RPL15: variants seen among roughly 807,000 people sequenced by gnomAD.
RPL15 encodes the protein ribosomal protein L15.
For synonymous variants in RPL15, 97 were observed against 95.1 expected (o/e 1.02, Z -0.12); for missense variants, 161 against 271.8 (o/e 0.59, Z 2.87).
downstream of RPL15, chr3:23,923,330 C>T (rs1705148581): frequency 6.6e-6 from 1 of 151,772 alleles, no homozygotes; most frequent in Non-Finnish European, 1.5e-5. Context: ...AAGCGATTCT[C>T]CTGCCTCAGC....
chr3:23,919,877 T>A lies in RPL15; in HGVS notation c.*376T>A. 1 of 999,566 alleles carries A rather than the reference T, an allele frequency of 1.0e-6. No individual in the cohort carries two copies. 61.9% of individuals were successfully genotyped at this position (999,566 alleles called of 1,614,324 possible). On this transcript the variant is annotated 3_prime_UTR_variant, in exon 4 of 4. Transcript: ENST00000307839. ...TGATGGCAATGCTCTGCTGGTTTAT[T>A]TTCAAGTGGCTGCGTTTTTTTTAGT...
chr3:23,920,088 ATG>A lies in RPL15; in HGVS notation c.*590_*591del, dbSNP rs1704989114. ...AAACACTGGTGTGTTTTGAAGTTGAATGTGCGATAAAATTATTAGCCTTAAGA... is the reference window on the plus strand; with the variant it reads ...AAACACTGGTGTGTTTTGAAGTTGAATGCGATAAAATTATTAGCCTTAAGA... On this transcript the variant is annotated 3_prime_UTR_variant, in exon 4 of 4. Transcript: ENST00000307839. 6 of 985,892 alleles carry A rather than the reference ATG, an allele frequency of 6.1e-6. No homozygotes were observed. The highest frequency in any genetic ancestry group is 7.2e-6 in the Non-Finnish European group (6 of 829,950). The allele number at this position is 985,892 out of a possible 1,614,324, so 61.1% of individuals were successfully genotyped here. A position where few individuals can be genotyped will look rare whatever the true frequency, so the allele number is the denominator to read the frequency against.
chr3:23,918,163 C>G (rs1472404569), intron 2 of RPL15, 132 bp downstream of exon 2: 27 of 1,172,864 alleles, frequency 2.3e-5, no homozygotes, highest in African/African-American at 3.1e-5. Context: ...GCTAGCAACA[C>G]TGGTCAGTTA....
chr3:23,921,582 T>TC, downstream of RPL15: 6 of 676,936 alleles, frequency 8.9e-6, no homozygotes, highest in Non-Finnish European at 1.3e-5. Flanking sequence ...TTTTTTTTTT[T>TC]TTTTTTTTTT....
At chr3:23,917,796 T>A in intron 1 of RPL15, 54 bp from the exon 2 acceptor site, 1 of 1,503,446 alleles carries the variant, frequency 6.7e-7, no homozygotes. Context: ...ACGGATACAG[T>A]CGTCTTATTG....
At position 23,920,781 on chromosome 3, in the gene RPL15, G is replaced by C; in HGVS notation, c.*1280G>C. 3 of 966,000 alleles carry C rather than the reference G, an allele frequency of 3.1e-6. No homozygotes were observed. Among genetic ancestry groups the C allele is most frequent in the Middle Eastern group, 1.1e-3 (2 of 1,874 alleles). 59.8% of individuals were successfully genotyped at this position (966,000 alleles called of 1,614,324 possible). On this transcript the variant is annotated 3_prime_UTR_variant, in exon 4 of 4. Coordinates refer to ENST00000307839, the MANE Select transcript of RPL15 (RefSeq NM_002948.5). The stretch of plus-strand genomic sequence containing the variant: ...TTCACAAAAAAAGAAAAGATCTTAA[G>C]TCATACATTTTAATTGTGTAGAGGT...
In RPL15 at chr3:23,920,075, G is replaced by A. The variant is rs947843440; in HGVS notation, c.*574G>A. The A allele has an allele frequency of 3.0e-6, 3 of 985,740 alleles. No individual in the cohort carries two copies. Among genetic ancestry groups the A allele is most frequent in the Non-Finnish European group, 3.6e-6 (3 of 829,932 alleles). The allele number at this position is 985,740 out of a possible 1,614,324, so 61.1% of individuals were successfully genotyped here. A position where few individuals can be genotyped will look rare whatever the true frequency, so the allele number is the denominator to read the frequency against. On this transcript the variant is annotated 3_prime_UTR_variant, in exon 4 of 4. Coordinates refer to ENST00000307839, the MANE Select transcript of RPL15 (RefSeq NM_002948.5). ...TAGTGGTAATGGTAAACACTGGTGT[G>A]TTTTGAAGTTGAATGTGCGATAAAA...
intron 3 of RPL15, 32 bp downstream of exon 3, chr3:23,918,608 T>A (rs1191623155): frequency 6.2e-7 from 1 of 1,606,996 alleles, no homozygotes; most frequent in Admixed American, 1.7e-5. Context: ...TTATATTGAA[T>A]ACTGCCTGGG....
rs763678212 is a variant in RPL15, at chr3:23,918,489, A to G, written c.222A>G (p.Pro74=). ...IRVRRGGRKR[P]VPKGATYGKP... ...TTCGCCGTGGTGGCCGAAAACGCCC[A>G]GTTCCTAAGGGTGCAACTTACGGCA... The change falls in exon 3 of 4, where the codon CCA becomes CCG. Residue 74 remains proline, a synonymous_variant. Transcript: ENST00000307839. 10 of 1,613,738 alleles carry G rather than the reference A, an allele frequency of 6.2e-6. No homozygotes were observed. The Admixed American group carries it at 6.7e-5, about 11-fold the overall frequency.
At position 23,919,739 on chromosome 3, in the gene RPL15, T is replaced by C; in HGVS notation, c.*238T>C. ...TATTAGGGAGTTGTATGTCAGTGTA[T>C]AAAACATACTGTGTGGTATAACAGG... is the stretch of plus-strand genomic sequence containing the variant. On this transcript the variant is annotated 3_prime_UTR_variant, in exon 4 of 4. Coordinates refer to ENST00000307839, the MANE Select transcript of RPL15 (RefSeq NM_002948.5). 1 of 1,318,064 alleles carries C rather than the reference T, an allele frequency of 7.6e-7. No homozygotes were observed. Among genetic ancestry groups the C allele is most frequent in the Non-Finnish European group, 9.6e-7 (1 of 1,036,384 alleles). 81.6% of individuals were successfully genotyped at this position (1,318,064 alleles called of 1,614,324 possible). A position where few individuals can be genotyped will look rare whatever the true frequency, so the allele number is the denominator to read the frequency against.
In RPL15 at chr3:23,920,406, A is replaced by G. The variant is rs1236186343; in HGVS notation, c.*905A>G. 2 of 985,308 alleles carry G rather than the reference A, an allele frequency of 2.0e-6. No homozygotes were observed. The highest frequency in any genetic ancestry group is 3.5e-5 in the African/African-American group (2 of 57,242). The allele number at this position is 985,308 out of a possible 1,614,324, so 61.0% of individuals were successfully genotyped here. A position where few individuals can be genotyped will look rare whatever the true frequency, so the allele number is the denominator to read the frequency against. ...GTTTCCAACCATATGTGTTTTCTGCAGTTATTTCTCTTGTTCTGGCCAAAC... is the reference window on the plus strand; with the variant it reads ...GTTTCCAACCATATGTGTTTTCTGCGGTTATTTCTCTTGTTCTGGCCAAAC... On this transcript the variant is annotated 3_prime_UTR_variant, in exon 4 of 4. Coordinates refer to ENST00000307839, the MANE Select transcript of RPL15 (RefSeq NM_002948.5).
chr3:23,924,433 G>A (rs948970460), downstream of RPL15: 3 of 152,206 alleles, frequency 2.0e-5, no homozygotes, highest in African/African-American at 7.2e-5. Context: ...TTTTTGAGAC[G>A]AGTCTCTGTC....
At chr3:23,919,006 T>C (rs1472268018) in intron 3 of RPL15, 190 bp from the exon 4 acceptor site, 9 of 603,108 alleles carry the variant, frequency 1.5e-5, no homozygotes, top group Non-Finnish European at 2.6e-5. Context: ...TCAGTCTATG[T>C]GTGTTGTTTT....
chr3:23,919,565 G>C lies in RPL15; in HGVS notation c.*64G>C. On this transcript the variant is annotated 3_prime_UTR_variant, in exon 4 of 4. Coordinates refer to ENST00000307839, the MANE Select transcript of RPL15 (RefSeq NM_002948.5). ...TTTAGGACAGTCATGTCTGCTTACAGGTGTTATTTGTCTGTTAAAACTAGT... is the reference window on the plus strand; with the variant it reads ...TTTAGGACAGTCATGTCTGCTTACACGTGTTATTTGTCTGTTAAAACTAGT... 2 of 1,440,442 alleles carry C rather than the reference G, an allele frequency of 1.4e-6. No homozygotes were observed. Among genetic ancestry groups the C allele is most frequent in the African/African-American group, 1.4e-5 (1 of 69,962 alleles). The allele number at this position is 1,440,442 out of a possible 1,614,324, so 89.2% of individuals were successfully genotyped here. A position where few individuals can be genotyped will look rare whatever the true frequency, so the allele number is the denominator to read the frequency against.
downstream of RPL15, chr3:23,921,663 C>A: frequency 1.5e-6 from 1 of 661,082 alleles, no homozygotes; most frequent in South Asian, 1.6e-5. Context: ...CAACCTCTGT[C>A]TCCCGGGTTT....
chr3:23,921,950 C>A (rs1049449229), downstream of RPL15: 3 of 239,584 alleles, frequency 1.3e-5, no homozygotes, highest in South Asian at 1.2e-4. Flanking sequence ...CTCAAGCAAT[C>A]CTGCCTTGGC....
In RPL15 at chr3:23,920,484, A is replaced by C. The variant is rs139219139; in HGVS notation, c.*983A>C. On this transcript the variant is annotated 3_prime_UTR_variant, in exon 4 of 4. Transcript: ENST00000307839. ...AAGTTGGACCATCACTTGTGCACCC[A>C]CTTTGACTATGAGTATACCACCACA... is the stretch of plus-strand genomic sequence containing the variant. The C allele has an allele frequency of 2.8e-5, 28 of 985,190 alleles. No homozygotes were observed. Among genetic ancestry groups the C allele is most frequent in the African/African-American group, 3.5e-5 (2 of 57,218 alleles). The allele number at this position is 985,190 out of a possible 1,614,324, so 61.0% of individuals were successfully genotyped here.
Position 23,919,974 on chromosome 3 carries a change from C to A in RPL15, c.*473C>A. The A allele has an allele frequency of 5.1e-6, 5 of 987,918 alleles. No individual in the cohort carries two copies. Among genetic ancestry groups the A allele is most frequent in the Non-Finnish European group, 4.8e-6 (4 of 831,418 alleles). 61.2% of individuals were successfully genotyped at this position (987,918 alleles called of 1,614,324 possible). On this transcript the variant is annotated 3_prime_UTR_variant, in exon 4 of 4. Transcript: ENST00000307839. ...AGCCTGAAGAAAATTGCCTCAGCCT[C>A]CACAGTACCATTTTAAATTCACATA...
intron 3 of RPL15, chr3:23,918,946 C>G: frequency 1.8e-6 from 1 of 548,420 alleles, no homozygotes; most frequent in Non-Finnish European, 3.2e-6. Flanking sequence ...CAGATATTAA[C>G]ATATTCCTGC....
Sources: allele counts gnomAD v4.1 joint callset, GRCh38; gene constraint gnomAD v4.1.1; transcripts MANE v1.5; gene names NCBI Gene and HGNC (gene_info 2026-07-23, HGNC 2026-07-21).